The following RNF121 variants were observed in gnomAD, a reference collection of about 807,000 sequenced individuals.
RNF121 encodes the protein E3 ubiquitin ligase RNF121.
In RNF121, 21 loss-of-function variants were observed where a neutral mutation model predicts 46.5. The observed-to-expected ratio is 0.45, with a 90% CI of 0.32 to 0.65. The LOEUF (loss-of-function observed/expected upper bound fraction) is 0.65. Ranked by LOEUF, RNF121 falls within the 30% of genes least tolerant of loss-of-function variation. The probability of loss-of-function intolerance (pLI) is 0.04; values close to 1 mark genes in which losing one functional copy is unlikely to be tolerated. For missense variants in RNF121, 346 were observed against 416.0 expected, an observed-to-expected ratio of 0.83 and a Z score of 1.46; for synonymous variants, 139 against 144.7, an observed-to-expected ratio of 0.96 and a Z score of 0.28.
At chr11:71,931,414 C>T (rs1291848306) in intron 1 of RNF121, among the ~76,000 whole-genome samples, 1 of 152,172 alleles carries the variant, frequency 6.6e-6, no homozygotes, top group East Asian at 1.9e-4. Flanking sequence ...AGAAGCAGAA[C>T]AGTCATCCCT....
At chr11:71,949,830 A>G (rs1023279386) in intron 1 of RNF121, among the ~76,000 whole-genome samples, 1 of 151,234 alleles carries the variant, frequency 6.6e-6, no homozygotes, top group African/African-American at 2.4e-5. Context: ...CCCTGTCTCT[A>G]CTGAAAAAAA....
At chr11:71,959,637 C>CTTTTTTT (rs893968966) in intron 2 of RNF121, among the ~76,000 whole-genome samples, 1 of 138,246 alleles carries the variant, frequency 7.2e-6, no homozygotes, top group Non-Finnish European at 1.6e-5. Flanking sequence ...CTCTCTTCTT[C>CTTTTTTT]TTTTTTTTTT....
chr11:71,994,122 C>G (rs139351100), intron 6 of RNF121, among the ~76,000 whole-genome samples: 1,979 of 152,242 alleles, frequency 0.013, 19 homozygotes, highest in South Asian at 0.033. Context: ...TTACAGGCGT[C>G]AGCCACCGCG....
In RNF121 at chr11:71,934,938, A is replaced by ACTTTTTTT. The variant is rs780793577; in HGVS notation, c.63+5814_63+5815insCTTTTTTT. 6.9e-5 allele frequency among the ~76,000 whole-genome samples: 10 copies of ACTTTTTTT among 145,100 alleles called. 5 individuals are homozygous for ACTTTTTTT. Among genetic ancestry groups the ACTTTTTTT allele is most frequent in the Non-Finnish European group, 3.0e-5 (2 of 67,046 alleles). On this transcript the variant is annotated intron_variant, in intron 1 of 8. Coordinates refer to ENST00000361756, the MANE Select transcript of RNF121 (RefSeq NM_018320.5). The stretch of plus-strand genomic sequence containing the variant: ...GTCCTGTGCCAAGTGTTCCAAATGC[A>ACTTTTTTT]TTCTTTTTTTTTTTTTTTTTTTTTA...
intron 1 of RNF121, among the ~76,000 whole-genome samples, chr11:71,942,115 A>G (rs1565140951): frequency 1.3e-5 from 2 of 151,564 alleles, no homozygotes; most frequent in African/African-American, 2.4e-5. Flanking sequence ...TGTATTTTTT[A>G]TTAGAGACGG....
intron 6 of RNF121, among the ~76,000 whole-genome samples, chr11:71,992,470 G>A (rs1954883197): frequency 6.6e-6 from 1 of 152,148 alleles, no homozygotes; most frequent in South Asian, 2.1e-4. Context: ...TGATGTCTTT[G>A]TGACAGAAAT....
intron 1 of RNF121, among the ~76,000 whole-genome samples, chr11:71,934,485 T>C (rs1347046320): frequency 6.6e-6 from 1 of 152,248 alleles, no homozygotes; most frequent in Non-Finnish European, 1.5e-5. Flanking sequence ...CCCTTGCTTC[T>C]TCAAGCAGTA....
At chr11:71,961,187 G>A (rs1275532500) in intron 3 of RNF121, among the ~76,000 whole-genome samples, 1 of 152,136 alleles carries the variant, frequency 6.6e-6, no homozygotes, top group Non-Finnish European at 1.5e-5. Flanking sequence ...CTATTCAATT[G>A]GAGAGAGCAA....
chr11:71,948,003 C>T (rs901557720), intron 1 of RNF121, among the ~76,000 whole-genome samples: 11 of 152,134 alleles, frequency 7.2e-5, no homozygotes, highest in African/African-American at 2.2e-4. Flanking sequence ...GAGGATAGTT[C>T]TGTTCTGAAA....
intron 3 of RNF121, among the ~76,000 whole-genome samples, chr11:71,976,627 G>C (rs913668613): frequency 5.7e-4 from 87 of 152,146 alleles, no homozygotes; most frequent in African/African-American, 2.0e-3. Flanking sequence ...CAAAGTGCTG[G>C]GGTTACAGGC....
intron 3 of RNF121, among the ~76,000 whole-genome samples, chr11:71,980,261 G>A (rs956550567): frequency 5.9e-5 from 9 of 152,164 alleles, no homozygotes; most frequent in African/African-American, 2.2e-4. Flanking sequence ...CACAGAATGG[G>A]AACCTCTAAA....
chr11:71,952,226 A>G (rs1371930952), intron 1 of RNF121, among the ~76,000 whole-genome samples: 3 of 152,218 alleles, frequency 2.0e-5, no homozygotes, highest in South Asian at 2.1e-4. Context: ...ACAAAAGACC[A>G]TATATTTATG....
intron 1 of RNF121, among the ~76,000 whole-genome samples, chr11:71,930,479 G>A (rs183815846): frequency 4.0e-4 from 61 of 152,248 alleles, no homozygotes; most frequent in African/African-American, 1.3e-3. Flanking sequence ...CTGAGAAATT[G>A]ACAGGTGATC....
At chr11:71,982,163 T>G (rs1444877212) in intron 3 of RNF121, among the ~76,000 whole-genome samples, 2 of 151,504 alleles carry the variant, frequency 1.3e-5, no homozygotes, top group Non-Finnish European at 2.9e-5. Context: ...GAATGTTGGA[T>G]CCTCTCTACT....
chr11:71,989,472 C>A (rs1046595004), intron 5 of RNF121, among the ~76,000 whole-genome samples: 1 of 152,156 alleles, frequency 6.6e-6, no homozygotes, highest in African/African-American at 2.4e-5. Context: ...AATTGAGAAT[C>A]TTGATCATTT....
chr11:71,979,533 C>A (rs1262818746), intron 3 of RNF121, among the ~76,000 whole-genome samples: 1 of 152,100 alleles, frequency 6.6e-6, no homozygotes, highest in East Asian at 1.9e-4. Flanking sequence ...CCTAAAATTT[C>A]AAGCCCAAAA....
At chr11:71,941,863 A>C (rs1162574199) in intron 1 of RNF121, among the ~76,000 whole-genome samples, 1 of 152,152 alleles carries the variant, frequency 6.6e-6, no homozygotes, top group Non-Finnish European at 1.5e-5. Context: ...GAGTCTGGCA[A>C]GGTCAGATTT....
intron 7 of RNF121, 98 bp downstream of exon 7, chr11:71,994,950 C>G: frequency 2.0e-6 from 3 of 1,526,150 alleles, no homozygotes; most frequent in Non-Finnish European, 2.7e-6. Context: ...GCATGCTGTC[C>G]AGACCCTTGA....
rs71958930 is a variant in RNF121 at position 71,938,314 on chromosome 11, A to ATTTTTTTTTTTTTTTTTTTTTTTTTTTT, written c.63+9213_63+9214insTTTTTTTTTTTTTTTTTTTTTTTTTTTT. Among the ~76,000 whole-genome samples, 5 of 94,920 alleles carry ATTTTTTTTTTTTTTTTTTTTTTTTTTTT rather than the reference A, an allele frequency of 5.3e-5. 1 individual carries two copies. The highest frequency in any genetic ancestry group is 3.2e-4 in the East Asian group (1 of 3,112). The allele number at this position is 94,920 out of a possible 152,430, so 62.3% of individuals were successfully genotyped here. On this transcript the variant is annotated intron_variant, in intron 1 of 8. Transcript: ENST00000361756. ...AGCATTTTACGTGTGTAGTCTCTTA[A>ATTTTTTTTTTTTTTTTTTTTTTTTTTTT]TTTTTTTTTTTTTTTTTTTTTTTGA...
Sources: gnomAD v4.1 joint callset for allele counts (sites outside exome capture counted in the v4.1 genomes callset) on GRCh38, gnomAD v4.1.1 for gene constraint, MANE v1.5 for transcripts, NCBI Gene and HGNC (gene_info 2026-07-23, HGNC 2026-07-21) for gene names.